KIF26B: variants seen among roughly 807,000 people sequenced by gnomAD.
The protein encoded by KIF26B is kinesin family member 26B.
Under a neutral mutation model 151.2 loss-of-function variants are expected in KIF26B, and 63 were observed. The ratio of observed to expected loss-of-function variants is 0.42; its 90% CI spans 0.34 to 0.51. KIF26B has a LOEUF of 0.51. Ranked by LOEUF, KIF26B falls within the 20% of genes least tolerant of loss-of-function variation. KIF26B has a pLI of 0.07. For missense variants in KIF26B, 2,813 were observed against 2,913.6 expected (o/e 0.97, Z 0.79); for synonymous variants, 1,357 against 1,262.1 (o/e 1.08, Z -1.59).
chr1:245,464,490 G>T (rs1267585097), intron 4 of KIF26B, among the ~76,000 whole-genome samples: 1 of 146,582 alleles, frequency 6.8e-6, no homozygotes, highest in African/African-American at 2.5e-5. Context: ...TGTGCCCGTG[G>T]GTGTGTGTGG....
rs377162895 is a variant in KIF26B at position 245,268,906 on chromosome 1, C to T, written c.466-97928C>T. Among the ~76,000 whole-genome samples the T allele has an allele frequency of 6.6e-5, 10 of 152,110 alleles. No individual in the cohort carries two copies. In the East Asian group the frequency reaches 1.9e-3, roughly 29 times the overall value. On this transcript the variant is annotated intron_variant, in intron 2 of 14. Transcript: ENST00000407071. ...AACTGGGATGCTTGGTCCTAGCGGA[C>T]AACTGCTTTGTGTGTCTGGTACAGG...
At chr1:245,539,447 T>C (rs1056874949) in intron 4 of KIF26B, among the ~76,000 whole-genome samples, 3 of 152,206 alleles carry the variant, frequency 2.0e-5, no homozygotes, top group Admixed American at 1.3e-4. Flanking sequence ...TTTTAATCAG[T>C]AGAATAAAGT....
intron 4 of KIF26B, among the ~76,000 whole-genome samples, chr1:245,474,417 T>A (rs1330405361): frequency 3.7e-4 from 52 of 139,582 alleles, no homozygotes; most frequent in Non-Finnish European, 3.0e-4. Flanking sequence ...TTTTTTTTGT[T>A]GTTGTTTTTT....
chr1:245,175,151 G>A (rs897716334), intron 2 of KIF26B, among the ~76,000 whole-genome samples: 1 of 152,170 alleles, frequency 6.6e-6, no homozygotes, highest in South Asian at 2.1e-4. Flanking sequence ...CCATTAGATG[G>A]TACAGTAACT....
chr1:245,289,970 C>A (rs564537619), intron 2 of KIF26B, among the ~76,000 whole-genome samples: 1 of 152,280 alleles, frequency 6.6e-6, no homozygotes, highest in African/African-American at 2.4e-5. Context: ...CCCTCCCTCC[C>A]AAACCACCCT....
At chr1:245,600,375 C>T (rs1180919957) in intron 5 of KIF26B, among the ~76,000 whole-genome samples, 2 of 151,544 alleles carry the variant, frequency 1.3e-5, no homozygotes, top group East Asian at 4.0e-4. Flanking sequence ...CTCTGTCACC[C>T]AGGCTGGAGT....
intron 9 of KIF26B, among the ~76,000 whole-genome samples, chr1:245,642,600 C>T (rs115860650): frequency 0.033 from 4,909 of 147,952 alleles, 110 homozygotes; most frequent in Middle Eastern, 0.05. Flanking sequence ...TGGAGGCTGG[C>T]ATACCTGCCA....
Position 245,187,647 on chromosome 1 carries a change from G to A in KIF26B, c.465+30964G>A, listed in dbSNP as rs145358624. ...GACAGAAGTCTCAGTACACCCACCTGTACTTTAGGAGAATGTGGATTGGAA... is the reference window on the plus strand; with the variant it reads ...GACAGAAGTCTCAGTACACCCACCTATACTTTAGGAGAATGTGGATTGGAA... On this transcript the variant is annotated intron_variant, in intron 2 of 14. Coordinates refer to ENST00000407071, the MANE Select transcript of KIF26B (RefSeq NM_018012.4). Among the ~76,000 whole-genome samples the A allele has an allele frequency of 1.5e-4, 23 of 152,290 alleles. No individual in the cohort carries two copies. The East Asian group carries it at 4.4e-3, about 29-fold the overall frequency.
At position 245,698,044 on chromosome 1, in the gene KIF26B, A is replaced by G; in HGVS notation, c.5825-62A>G. Reference sequence around the variant, plus strand: ...GCAACAGAGCAAGACCCTGTCTCAAAAAAACAACAAAAAAATTGAAATTCA... The same window carrying G: ...GCAACAGAGCAAGACCCTGTCTCAAGAAAACAACAAAAAAATTGAAATTCA... On this transcript the variant is annotated intron_variant, in intron 12 of 14. Coordinates refer to ENST00000407071, the MANE Select transcript of KIF26B (RefSeq NM_018012.4). This position sits in a 1 kb window ranked among gnomAD's most constrained non-coding sequence, Gnocchi z 4.0. The G allele has an allele frequency of 6.0e-6, 9 of 1,502,920 alleles. No homozygotes were observed. The highest frequency in any genetic ancestry group is 8.1e-6 in the Non-Finnish European group (9 of 1,110,490). 93.1% of individuals were successfully genotyped at this position (1,502,920 alleles called of 1,614,324 possible).
chr1:245,535,290 T>C (rs2103099427), intron 4 of KIF26B, among the ~76,000 whole-genome samples: 1 of 152,324 alleles, frequency 6.6e-6, no homozygotes, highest in East Asian at 1.9e-4. Context: ...AAAGATAAAA[T>C]GCTATTATAG....
At chr1:245,287,494 C>CTTTTTTTTTTTTTTTTTTTT (rs1157634485) in intron 2 of KIF26B, among the ~76,000 whole-genome samples, 2 of 113,172 alleles carry the variant, frequency 1.8e-5, no homozygotes. Context: ...TCATCTCTCT[C>CTTTTTTTTTTTTTTTTTTTT]TCTCTTTTTT....
At chr1:245,364,147 C>T (rs1672884857) in intron 2 of KIF26B, among the ~76,000 whole-genome samples, 1 of 152,170 alleles carries the variant, frequency 6.6e-6, no homozygotes, top group Non-Finnish European at 1.5e-5. Context: ...CAGCCTGGGG[C>T]AACACTGGGC....
chr1:245,209,595 C>T (rs773073642), intron 2 of KIF26B, among the ~76,000 whole-genome samples: 7 of 151,926 alleles, frequency 4.6e-5, no homozygotes, highest in Non-Finnish European at 8.8e-5. Flanking sequence ...TGGGGTGAGC[C>T]GGGAAGCCTT....
intron 4 of KIF26B, among the ~76,000 whole-genome samples, chr1:245,523,279 C>T (rs899779040): frequency 6.6e-6 from 1 of 152,122 alleles, no homozygotes; most frequent in African/African-American, 2.4e-5. Flanking sequence ...TTTATTTGGT[C>T]CCATATTCTC....
Position 245,375,212 on chromosome 1 carries a change from G to A in KIF26B, c.999+7845G>A, listed in dbSNP as rs190162474. 3.9e-3 allele frequency among the ~76,000 whole-genome samples: 595 copies of A among 152,246 alleles called. 4 individuals are homozygous for A. The highest frequency in any genetic ancestry group is 6.8e-3 in the Non-Finnish European group (460 of 68,024). On this transcript the variant is annotated intron_variant, in intron 3 of 14. Transcript: ENST00000407071. The surrounding 1 kb of genome is among the most constrained non-coding windows in gnomAD (Gnocchi z 4.2). The stretch of plus-strand genomic sequence containing the variant: ...AGCGATTCTCCTGCCTCAACCTCGG[G>A]ATTACAGGCATGGACCACCATGTCC...
intron 9 of KIF26B, among the ~76,000 whole-genome samples, chr1:245,632,635 C>T (rs1169066095): frequency 6.6e-6 from 1 of 152,182 alleles, no homozygotes; most frequent in Non-Finnish European, 1.5e-5. Flanking sequence ...GGACCAGGCA[C>T]ATTGGCTCAC....
chr1:245,357,683 G>A (rs932405819), intron 2 of KIF26B, among the ~76,000 whole-genome samples: 1 of 151,884 alleles, frequency 6.6e-6, no homozygotes, highest in Non-Finnish European at 1.5e-5. Context: ...AGGGAGAGAG[G>A]GAGTTATCAT....
chr1:245,421,202 A>G (rs1323127111), intron 4 of KIF26B, among the ~76,000 whole-genome samples: 1 of 152,176 alleles, frequency 6.6e-6, no homozygotes, highest in African/African-American at 2.4e-5. Context: ...GGGAACAGTT[A>G]TGAGGAAATG....
chr1:245,659,939 T>A (rs764103932), intron 10 of KIF26B, among the ~76,000 whole-genome samples: 1 of 150,124 alleles, frequency 6.7e-6, no homozygotes. Flanking sequence ...TCTCAGCTAC[T>A]CAGGAGCCTG....
Sources: gnomAD v4.1 joint callset for allele counts (sites outside exome capture counted in the v4.1 genomes callset) on GRCh38, gnomAD v4.1.1 for gene constraint, Gnocchi (gnomAD v3.1) non-coding constraint, MANE v1.5 for transcripts, NCBI Gene and HGNC (gene_info 2026-07-23, HGNC 2026-07-21) for gene names.